MGAT4C: variants seen among roughly 807,000 people sequenced by gnomAD.
The protein encoded by MGAT4C is alpha-1,3-mannosyl-glycoprotein 4-beta-N-acetylglucosaminyltransferase C.
In MGAT4C, 19 loss-of-function variants were observed where a neutral mutation model predicts 40.1. The observed-to-expected ratio is 0.47, with a 90% CI of 0.33 to 0.70. MGAT4C has a LOEUF of 0.70. Ranked by LOEUF, MGAT4C falls within the 30% of genes least tolerant of loss-of-function variation. The pLI is 0.02. For synonymous variants in MGAT4C, 181 were observed against 187.1 expected, an observed-to-expected ratio of 0.97 and a Z score of 0.27; for missense variants, 491 against 563.2, an observed-to-expected ratio of 0.87 and a Z score of 1.30.
At chr12:86,188,491 G>T (rs980111892) in intron 1 of MGAT4C, among the ~76,000 whole-genome samples, 4 of 151,616 alleles carry the variant, frequency 2.6e-5, no homozygotes, top group African/African-American at 9.7e-5. Context: ...AGATTCTTAG[G>T]CACTATTCCC....
intron 2 of MGAT4C, among the ~76,000 whole-genome samples, chr12:86,617,384 T>C (rs187050641): frequency 3.8e-3 from 585 of 152,272 alleles, no homozygotes; most frequent in Non-Finnish European, 6.3e-3. Context: ...AAAGTGTTCA[T>C]TAATATGCAG....
intron 1 of MGAT4C, among the ~76,000 whole-genome samples, chr12:86,826,594 A>G (rs1952812959): frequency 6.6e-6 from 1 of 151,480 alleles, no homozygotes; most frequent in Non-Finnish European, 1.5e-5. Flanking sequence ...AAAACAGTTC[A>G]TTGAATTTTT....
chr12:86,257,377 A>G (rs998317868), upstream of MGAT4C, among the ~76,000 whole-genome samples: 2 of 152,230 alleles, frequency 1.3e-5, no homozygotes, highest in African/African-American at 2.4e-5. Context: ...GTGAGATGCA[A>G]GAATTACCAG....
At chr12:86,367,032 C>A (rs1955612774) in intron 3 of MGAT4C, among the ~76,000 whole-genome samples, 1 of 152,010 alleles carries the variant, frequency 6.6e-6, no homozygotes, top group Non-Finnish European at 1.5e-5. Flanking sequence ...AAAACTACTT[C>A]AAAAAATAAA....
intron 1 of MGAT4C, among the ~76,000 whole-genome samples, chr12:86,123,368 T>C (rs1441276006): frequency 6.6e-6 from 1 of 152,152 alleles, no homozygotes; most frequent in East Asian, 1.9e-4. Context: ...ATCAGATGCA[T>C]GATGGTAGGC....
rs904222564 is a variant in MGAT4C, at chr12:85,966,630, C to T, written c.*12659G>A. The stretch of plus-strand genomic sequence containing the variant: ...TTTATTGCGGCACTATTCACAATAG[C>T]AAAGACTTGGAACCAATCCAAATGT... On this transcript the variant is annotated 3_prime_UTR_variant, in exon 5 of 5. Coordinates refer to ENST00000611864, the MANE Select transcript of MGAT4C (RefSeq NM_001351288.2). The T allele has an allele frequency of 5.3e-5, 8 of 152,016 alleles. No individual in the cohort carries two copies. The highest frequency in any genetic ancestry group is 1.9e-4 in the African/African-American group (8 of 41,374). 9.4% of individuals were successfully genotyped at this position (152,016 alleles called of 1,614,324 possible). A position where few individuals can be genotyped will look rare whatever the true frequency, so the allele number is the denominator to read the frequency against.
chr12:86,414,181 T>C (rs938260092), intron 3 of MGAT4C, among the ~76,000 whole-genome samples: 7 of 152,062 alleles, frequency 4.6e-5, no homozygotes, highest in Non-Finnish European at 8.8e-5. Flanking sequence ...TAAATTCATA[T>C]TAAGGATAAA....
chr12:86,154,724 A>G (rs928459052), intron 1 of MGAT4C, among the ~76,000 whole-genome samples: 3 of 152,180 alleles, frequency 2.0e-5, no homozygotes, highest in Non-Finnish European at 4.4e-5. Flanking sequence ...TGGCACACCA[A>G]CCATTTTCTG....
intron 2 of MGAT4C, among the ~76,000 whole-genome samples, chr12:86,034,572 GT>G (rs34885099): frequency 3.0e-5 from 3 of 101,638 alleles, no homozygotes; most frequent in East Asian, 2.0e-4. Flanking sequence ...TTTTGTTGTT[GT>G]TTTTTTTAAA....
chr12:86,828,455 A>G (rs1409078251), intron 1 of MGAT4C, among the ~76,000 whole-genome samples: 3 of 151,464 alleles, frequency 2.0e-5, no homozygotes, highest in Non-Finnish European at 3.0e-5. Flanking sequence ...TGTGTGCTGT[A>G]TTCTTAGCTT....
At chr12:86,407,876 GT>G in intron 3 of MGAT4C, among the ~76,000 whole-genome samples, 1 of 152,066 alleles carries the variant, frequency 6.6e-6, no homozygotes, top group Non-Finnish European at 1.5e-5. Context: ...TAGAAGCACA[GT>G]CTAGTCAAGC....
chr12:86,696,334 T>A (rs1950258234), intron 2 of MGAT4C, among the ~76,000 whole-genome samples: 1 of 152,128 alleles, frequency 6.6e-6, no homozygotes, highest in African/African-American at 2.4e-5. Flanking sequence ...AAATATCTCA[T>A]GAACACCTAC....
At chr12:86,411,354 A>C (rs1956601190) in intron 3 of MGAT4C, among the ~76,000 whole-genome samples, 3 of 152,180 alleles carry the variant, frequency 2.0e-5, no homozygotes, top group Admixed American at 2.0e-4. Flanking sequence ...ATGGATAGTG[A>C]AGCATTCTGA....
At chr12:86,014,283 G>A (rs560678119) in intron 2 of MGAT4C, among the ~76,000 whole-genome samples, 5 of 152,254 alleles carry the variant, frequency 3.3e-5, no homozygotes, top group South Asian at 4.1e-4. Flanking sequence ...CAATTTTGAA[G>A]CATCAACCCC....
intron 2 of MGAT4C, among the ~76,000 whole-genome samples, chr12:86,512,088 A>G (rs1440573578): frequency 6.6e-6 from 1 of 152,116 alleles, no homozygotes; most frequent in Non-Finnish European, 1.5e-5. Flanking sequence ...AAAAAAGTAC[A>G]CTATTAAAGA....
intron 1 of MGAT4C, among the ~76,000 whole-genome samples, chr12:86,085,651 G>A (rs1317189040): frequency 6.6e-6 from 1 of 151,814 alleles, no homozygotes; most frequent in Non-Finnish European, 1.5e-5. Context: ...TTCACAAAGA[G>A]GTAATATCCA....
At chr12:86,458,467 A>G (rs576648693) in intron 2 of MGAT4C, among the ~76,000 whole-genome samples, 91 of 152,324 alleles carry the variant, frequency 6.0e-4, no homozygotes, top group Non-Finnish European at 9.7e-4. Context: ...TTTGCATTTA[A>G]TATTTATTCA....
intron 2 of MGAT4C, among the ~76,000 whole-genome samples, chr12:86,669,538 TGGGTCA>T (rs1362647900): frequency 6.6e-6 from 1 of 152,210 alleles, no homozygotes; most frequent in East Asian, 1.9e-4. Flanking sequence ...TGCAGAGAAT[TGGGTCA>T]GGGAGTTTTC....
chr12:86,768,891 A>G (rs1479609724), intron 1 of MGAT4C, among the ~76,000 whole-genome samples: 16 of 151,918 alleles, frequency 1.1e-4, no homozygotes, highest in East Asian at 5.8e-4. Context: ...AGACTTAAAC[A>G]TTAGACCTAA....
Sources: allele counts gnomAD v4.1 joint callset (sites outside exome capture counted in the v4.1 genomes callset), GRCh38; gene constraint gnomAD v4.1.1; transcripts MANE v1.5; gene names NCBI Gene and HGNC (gene_info 2026-07-23, HGNC 2026-07-21).